Variants in OTOGL observed in about 807,000 individuals in gnomAD.
OTOGL encodes the protein otogelin-like protein.
Under a neutral mutation model 318.5 loss-of-function variants are expected in OTOGL, and 285 were observed. The observed-to-expected ratio is 0.89, with a 90% CI of 0.81 to 0.99. The LOEUF (loss-of-function observed/expected upper bound fraction) is 0.99, where lower values mean the gene tolerates loss of function less well. Among genes scored for constraint, OTOGL ranks in the 50% least tolerant of loss-of-function variants. The pLI is 0.00. For missense variants in OTOGL, 2,899 were observed against 2,845.6 expected (o/e 1.02, Z -0.43); for synonymous variants, 987 against 936.5 (o/e 1.05, Z -0.99).
chr12:80,141,899 C>T (rs1223474694), intron 1 of OTOGL, among the ~76,000 whole-genome samples: 1 of 152,044 alleles, frequency 6.6e-6, no homozygotes, highest in African/African-American at 2.4e-5. Context: ...AGAGGAAAGA[C>T]TATTTAAGAG....
In OTOGL at chr12:80,336,819, T is replaced by G; in HGVS notation, c.4766T>G (p.Leu1589Arg). The change falls in exon 41 of 59, where the codon CTA (leucine) becomes CGA (arginine). Residue 1589 changes from leucine (L) to arginine (R), a missense_variant and splice_region_variant. This residue lies in a region of OTOGL where 2,607 missense variants were observed against 2,524.9 expected (regional missense o/e 1.03). Transcript: ENST00000547103. ...CAGAATGGAAACTCCTTAAAAAAGC[T>G]AGTGAGTATTTGCAAAGTGTTTAGT... ...MNQNGNSLKK[L>R]APSGRISGLC... 4 of 1,529,848 alleles carry G rather than the reference T, an allele frequency of 2.6e-6. No individual in the cohort carries two copies. The highest frequency in any genetic ancestry group is 3.5e-6 in the Non-Finnish European group (4 of 1,129,434). 94.8% of individuals were successfully genotyped at this position (1,529,848 alleles called of 1,614,324 possible). A position where few individuals can be genotyped will look rare whatever the true frequency, so the allele number is the denominator to read the frequency against.
Position 80,353,454 on chromosome 12 carries a change from T to C in OTOGL, c.5537T>C (p.Val1846Ala). 1 of 1,604,058 alleles carries C rather than the reference T, an allele frequency of 6.2e-7. No homozygotes were observed. The highest frequency in any genetic ancestry group is 1.3e-5 in the African/African-American group (1 of 74,938). Residue 1846 changes from valine (V) to alanine (A), a missense_variant, in exon 46 of 59, where the codon GTT becomes GCT. Val to Ala is a moderately conservative substitution (Grantham distance 64). Transcript: ENST00000547103. ...CTAAGAGAAGACTGTGTGTGCAAAG[T>C]TGGAACTATTCTTCACAGGCCACAT... is the stretch of plus-strand genomic sequence containing the variant. ...LNLREDCVCK[V>A]GTILHRPHSA... is the part of the protein sequence containing the mutation.
chr12:80,241,046 G>A (rs1880330296), intron 11 of OTOGL, among the ~76,000 whole-genome samples: 1 of 151,954 alleles, frequency 6.6e-6, no homozygotes, highest in Non-Finnish European at 1.5e-5. Context: ...TAAAAAACCA[G>A]ACTAGTTTTT....
intron 1 of OTOGL, among the ~76,000 whole-genome samples, chr12:80,129,389 A>G (rs771996488): frequency 6.6e-6 from 1 of 152,148 alleles, no homozygotes; most frequent in Non-Finnish European, 1.5e-5. Context: ...TTCTATGTTT[A>G]TGAGACAGCA....
At position 80,255,040 on chromosome 12, in the gene OTOGL, T is replaced by G. The variant is rs1592614516; in HGVS notation, c.1442T>G (p.Val481Gly). 1.4e-6 allele frequency: 2 copies of G among 1,439,844 alleles called. No individual in the cohort carries two copies. The highest frequency in any genetic ancestry group is 3.2e-5 in the Admixed American group (1 of 30,974). The allele number at this position is 1,439,844 out of a possible 1,614,324, so 89.2% of individuals were successfully genotyped here. A position where few individuals can be genotyped will look rare whatever the true frequency, so the allele number is the denominator to read the frequency against. ...TTTGTTTTCTTTTTTTTTTTGGCAG[T>G]TCAATGCTCAGTTGTAGGTGATTCT... The part of the protein sequence containing the change: ...VWNCTEQDCP[V>G]QCSVVGDSHF... The change falls in exon 16 of 59, where the codon GTT becomes GGT. Residue 481 changes from valine (V) to glycine (G), a missense_variant and splice_region_variant. Val to Gly is a moderately radical substitution (Grantham distance 109). Coordinates refer to ENST00000547103, the MANE Select transcript of OTOGL (RefSeq NM_001378609.3).
chr12:80,136,916 T>G (rs1871609991), intron 1 of OTOGL, among the ~76,000 whole-genome samples: 1 of 152,168 alleles, frequency 6.6e-6, no homozygotes, highest in Non-Finnish European at 1.5e-5. Flanking sequence ...TGGGTAGAAG[T>G]TTTTATCTAT....
At chr12:80,226,529 G>A (rs1878873122) in intron 7 of OTOGL, among the ~76,000 whole-genome samples, 1 of 151,994 alleles carries the variant, frequency 6.6e-6, no homozygotes, top group Non-Finnish European at 1.5e-5. Context: ...TCCTTCCTCA[G>A]TTTTCCTTCC....
rs755763110 is a variant in OTOGL at position 80,255,087 on chromosome 12, C to T, written c.1489C>T (p.Arg497Ter). 20 of 1,515,932 alleles carry T rather than the reference C, an allele frequency of 1.3e-5. No homozygotes were observed. Among genetic ancestry groups the T allele is most frequent in the South Asian group, 2.6e-5 (2 of 77,416 alleles). 93.9% of individuals were successfully genotyped at this position (1,515,932 alleles called of 1,614,324 possible). Residue 497 changes from arginine (R) to a stop codon, truncating the protein, a stop_gained, in exon 16 of 59, where the codon CGA (arginine) becomes TGA (stop). Coordinates refer to ENST00000547103, the MANE Select transcript of OTOGL (RefSeq NM_001378609.3). LOFTEE classifies it high-confidence loss of function. ...TTCTCACTTTACAACTTTTGATGGTCGACATTATTCTTTTATTGGCATGTG... is the reference window on the plus strand; with the variant it reads ...TTCTCACTTTACAACTTTTGATGGTTGACATTATTCTTTTATTGGCATGTG... ...GDSHFTTFDG[R>*]HYSFIGMCQY...
At chr12:80,372,161 C>A (rs1890916295) in intron 57 of OTOGL, 97 bp downstream of exon 57, 1 of 764,006 alleles carries the variant, frequency 1.3e-6, no homozygotes, top group Non-Finnish European at 1.9e-6. Flanking sequence ...TCCTATGATG[C>A]AAAGAGAGAA....
chr12:80,286,350 T>A (rs369679901), intron 26 of OTOGL, among the ~76,000 whole-genome samples: 62 of 152,310 alleles, frequency 4.1e-4, no homozygotes, highest in African/African-American at 1.5e-3. Flanking sequence ...TTGTTGTGTT[T>A]CTGCCGGGTT....
chr12:80,378,892 T>A lies in OTOGL; in HGVS notation c.*844T>A, dbSNP rs1420517128. 3 of 152,238 alleles carry A rather than the reference T, an allele frequency of 2.0e-5. No individual in the cohort carries two copies. Among genetic ancestry groups the A allele is most frequent in the African/African-American group, 7.2e-5 (3 of 41,408 alleles). 9.4% of individuals were successfully genotyped at this position (152,238 alleles called of 1,614,324 possible). On this transcript the variant is annotated 3_prime_UTR_variant, in exon 59 of 59. Transcript: ENST00000547103. ...TCATTTGCTAAATAGAGGAGATAGATCTTGAACTGTTATTTTTTATATAAT... is the reference window on the plus strand; with the variant it reads ...TCATTTGCTAAATAGAGGAGATAGAACTTGAACTGTTATTTTTTATATAAT...
intron 1 of OTOGL, among the ~76,000 whole-genome samples, chr12:80,125,331 G>A (rs1351064757): frequency 1.3e-5 from 2 of 152,144 alleles, no homozygotes; most frequent in African/African-American, 4.8e-5. Context: ...TTTATATGCT[G>A]GATTACGTTT....
chr12:80,204,611 G>A (rs1194952788), intron 1 of OTOGL, among the ~76,000 whole-genome samples: 2 of 152,080 alleles, frequency 1.3e-5, no homozygotes, highest in Non-Finnish European at 2.9e-5. Flanking sequence ...TTGATGCTTG[G>A]TGGTTTGGTT....
intron 1 of OTOGL, among the ~76,000 whole-genome samples, chr12:80,144,247 C>T (rs1342228977): frequency 1.3e-5 from 2 of 152,034 alleles, no homozygotes; most frequent in African/African-American, 2.4e-5. Flanking sequence ...TGATGTTCCC[C>T]TTCTGTGTCC....
rs371346137 is a variant in OTOGL at position 80,257,988 on chromosome 12, A to G, written c.1875A>G (p.Ile625Met). The change falls in exon 18 of 59, where the codon ATA becomes ATG. Residue 625 changes from isoleucine to methionine, a missense_variant. Around this residue, in one of 3 missense-constraint regions of OTOGL, gnomAD observed 2,607 missense variants for 2,524.9 expected, o/e 1.03. Coordinates refer to ENST00000547103, the MANE Select transcript of OTOGL (RefSeq NM_001378609.3). The part of the protein sequence containing the change: ...LGLCGTFNGN[I>M]RDDFLSPSGM... Reference sequence around the variant, plus strand: ...TGTGTGGCACTTTTAATGGCAACATAAGGGATGATTTTCTGTAAGTATGAT... The same window carrying G: ...TGTGTGGCACTTTTAATGGCAACATGAGGGATGATTTTCTGTAAGTATGAT... The G allele has an allele frequency of 1.3e-5, 20 of 1,583,934 alleles. No homozygotes were observed. The highest frequency in any genetic ancestry group is 1.6e-5 in the Non-Finnish European group (19 of 1,175,338).
At chr12:80,182,157 C>A in intron 1 of OTOGL, among the ~76,000 whole-genome samples, 1 of 151,992 alleles carries the variant, frequency 6.6e-6, no homozygotes, top group East Asian at 1.9e-4. Context: ...GTCTCAAAAG[C>A]AATTTTTAAA....
At chr12:80,256,683 G>C (rs1882081641) in intron 17 of OTOGL, among the ~76,000 whole-genome samples, 1 of 152,088 alleles carries the variant, frequency 6.6e-6, no homozygotes, top group African/African-American at 2.4e-5. Flanking sequence ...TGGAAGGGAA[G>C]AGAGACAAGC....
chr12:80,322,793 A>C (rs1005210375), intron 34 of OTOGL, among the ~76,000 whole-genome samples: 9 of 152,260 alleles, frequency 5.9e-5, no homozygotes, highest in Admixed American at 1.3e-4. Flanking sequence ...ATTTTGTTGT[A>C]TTCAAACAAT....
At chr12:80,121,051 T>C (rs1276459171) in intron 1 of OTOGL, among the ~76,000 whole-genome samples, 1 of 152,198 alleles carries the variant, frequency 6.6e-6, no homozygotes, top group Non-Finnish European at 1.5e-5. Context: ...CTTGCTTCAA[T>C]TCAGCTCAGG....
Sources: allele counts gnomAD v4.1 joint callset (sites outside exome capture counted in the v4.1 genomes callset), GRCh38; gene constraint gnomAD v4.1.1; regional missense constraint gnomAD v4.1.1; transcripts MANE v1.5; gene names NCBI Gene and HGNC (gene_info 2026-07-23, HGNC 2026-07-21).